The following IFIH1 variants were observed in gnomAD, a reference collection of about 807,000 sequenced individuals.
The protein encoded by IFIH1 is interferon induced with helicase C domain 1, also known as interferon-induced helicase C domain-containing protein 1.
A neutral mutation model predicts 107.4 loss-of-function variants in IFIH1; 125 were observed. That is an observed-to-expected ratio of 1.16 (90% CI 1.01 to 1.35). IFIH1 has a LOEUF of 1.35. IFIH1 is among the 40% of genes most tolerant of loss of function. The pLI, the probability that IFIH1 is intolerant of heterozygous loss-of-function variation, is 0.00. For synonymous variants in IFIH1, 458 were observed against 413.2 expected, an observed-to-expected ratio of 1.11 and a Z score of -1.31; for missense variants, 1,333 against 1,213.7, an observed-to-expected ratio of 1.10 and a Z score of -1.46.
intron 4 of IFIH1, among the ~76,000 whole-genome samples, chr2:162,290,821 A>C (rs1682984031): frequency 6.6e-6 from 1 of 151,882 alleles, no homozygotes; most frequent in African/African-American, 2.4e-5. Flanking sequence ...AAAGAATAAA[A>C]GCTGGGTGAG....
chr2:162,267,462 C>T lies in IFIH1; in HGVS notation c.2898+17G>A, dbSNP rs145381408. Reference sequence around the variant, plus strand: ...CTGTTGGCTAAAGTAAAATCTGGCCCACAGCAATTTACTCACCTGGCCACA... The same window carrying T: ...CTGTTGGCTAAAGTAAAATCTGGCCTACAGCAATTTACTCACCTGGCCACA... On this transcript the variant is annotated intron_variant, in intron 15 of 15. Transcript: ENST00000649979. The T allele has an allele frequency of 1.1e-4, 175 of 1,611,426 alleles. 1 individual carries two copies. In the African/African-American group the frequency reaches 2.1e-3, roughly 20 times the overall value.
intron 3 of IFIH1, among the ~76,000 whole-genome samples, chr2:162,305,458 T>C (rs1576236839): frequency 6.6e-6 from 1 of 151,940 alleles, no homozygotes; most frequent in East Asian, 1.9e-4. Context: ...TAATCCCAGC[T>C]ACTTGGGAGG....
chr2:162,311,310 A>G (rs1033695691), intron 1 of IFIH1, among the ~76,000 whole-genome samples: 1 of 152,102 alleles, frequency 6.6e-6, no homozygotes, highest in Non-Finnish European at 1.5e-5. Flanking sequence ...TATTTTCACC[A>G]ATTTCTTTCT....
intron 1 of IFIH1, among the ~76,000 whole-genome samples, chr2:162,315,114 A>G (rs1683465173): frequency 6.6e-6 from 1 of 152,238 alleles, no homozygotes; most frequent in South Asian, 2.1e-4. Flanking sequence ...AAGAATGAAA[A>G]TACAAGACCA....
rs140321019 is a variant in IFIH1 at position 162,286,186 on chromosome 2, C to T, written c.1095+1949G>A. Among the ~76,000 whole-genome samples, 1,431 of 152,020 alleles carry T rather than the reference C, an allele frequency of 9.4e-3. 30 individuals carry two copies. The highest frequency in any genetic ancestry group is 0.033 in the African/African-American group (1,351 of 41,504). On this transcript the variant is annotated intron_variant, in intron 5 of 15. Coordinates refer to ENST00000649979, the MANE Select transcript of IFIH1 (RefSeq NM_022168.4). Reference sequence around the variant, plus strand: ...GGAAAACAGTTAAAGGAACTGTGGACATTTATTCCAAGGAACAACAAAAAA... The same window carrying T: ...GGAAAACAGTTAAAGGAACTGTGGATATTTATTCCAAGGAACAACAAAAAA...
rs1057522887 is a variant in IFIH1 at position 162,288,198 on chromosome 2, C to T, written c.1032G>A (p.Lys344=). 2 of 1,612,648 alleles carry T rather than the reference C, an allele frequency of 1.2e-6. No individual in the cohort carries two copies. The highest frequency in any genetic ancestry group is 2.2e-5 in the East Asian group (1 of 44,816). The change falls in exon 5 of 16, where the codon AAG becomes AAA. Residue 344 remains lysine (K), a synonymous_variant. Transcript: ENST00000649979. The part of the protein sequence containing the change: ...GKTRVAVYIA[K]DHLDKKKKAS... ...CTTTTTTCTTCTTGTCTAAGTGATC[C>T]TTGGCAATGTAAACAGCCACTCTGG... is the stretch of plus-strand genomic sequence containing the variant.
At chr2:162,287,057 C>G (rs1161327168) in intron 5 of IFIH1, among the ~76,000 whole-genome samples, 1 of 151,704 alleles carries the variant, frequency 6.6e-6, no homozygotes, top group Non-Finnish European at 1.5e-5. Context: ...TATCGGCAAA[C>G]AAATTTGAAT....
chr2:162,277,827 A>G, intron 9 of IFIH1, 134 bp from the exon 10 acceptor site: 1 of 1,072,978 alleles, frequency 9.3e-7, no homozygotes, highest in Non-Finnish European at 1.3e-6. Flanking sequence ...GTTAAGGCTC[A>G]AAATGTGTCC....
chr2:162,284,849 T>A (rs1264168833), intron 5 of IFIH1, among the ~76,000 whole-genome samples: 1 of 152,032 alleles, frequency 6.6e-6, no homozygotes, highest in Non-Finnish European at 1.5e-5. Flanking sequence ...ACACTCATGC[T>A]GAATGATTTA....
intron 3 of IFIH1, among the ~76,000 whole-genome samples, chr2:162,296,462 C>G (rs528176351): frequency 6.6e-6 from 1 of 152,052 alleles, no homozygotes; most frequent in African/African-American, 2.4e-5. Context: ...GAAACCAAGG[C>G]GCTGAGAGGT....
chr2:162,279,628 T>G (rs1682770394), intron 8 of IFIH1, among the ~76,000 whole-genome samples: 1 of 152,066 alleles, frequency 6.6e-6, no homozygotes, highest in Non-Finnish European at 1.5e-5. Context: ...ACAAAATGGC[T>G]CTGTGGAATG....
intron 4 of IFIH1, among the ~76,000 whole-genome samples, chr2:162,289,018 T>C (rs2105210054): frequency 6.6e-6 from 1 of 151,610 alleles, no homozygotes; most frequent in South Asian, 2.1e-4. Flanking sequence ...TACAGAAGTG[T>C]TATTTAGAGA....
chr2:162,267,964 G>A, intron 14 of IFIH1, 123 bp downstream of exon 14: 1 of 633,070 alleles, frequency 1.6e-6, no homozygotes, highest in South Asian at 2.7e-5. Flanking sequence ...ATAATTGAGA[G>A]GCTAAAGGAG....
chr2:162,273,311 C>T (rs10201443), intron 12 of IFIH1, among the ~76,000 whole-genome samples: 7,526 of 152,050 alleles, frequency 0.049, 670 homozygotes, highest in African/African-American at 0.17. Context: ...ATAAGTCTGC[C>T]CCCAACCAAC....
chr2:162,273,498 G>C (rs1023626037), intron 12 of IFIH1, among the ~76,000 whole-genome samples: 1 of 152,138 alleles, frequency 6.6e-6, no homozygotes, highest in Non-Finnish European at 1.5e-5. Flanking sequence ...GAAAGAGGAG[G>C]CTGCTTTTGA....
chr2:162,278,932 G>A (rs1169645795), intron 8 of IFIH1, among the ~76,000 whole-genome samples: 1 of 151,970 alleles, frequency 6.6e-6, no homozygotes, highest in Non-Finnish European at 1.5e-5. Flanking sequence ...TCTTGATTTG[G>A]ATTTTGTTTA....
chr2:162,318,467 C>G lies in IFIH1; in HGVS notation c.-160G>C, dbSNP rs891876038. On this transcript the variant is annotated 5_prime_UTR_variant, in exon 1 of 16. Coordinates refer to ENST00000649979, the MANE Select transcript of IFIH1 (RefSeq NM_022168.4). ...CGAGGTTGTCCACAGGGCTCTCAGG[C>G]CGGCGCGCGGGGCTGCACTCGCACC... is the stretch of plus-strand genomic sequence containing the variant. The G allele has an allele frequency of 4.7e-6, 3 of 638,336 alleles. No individual in the cohort carries two copies. The highest frequency in any genetic ancestry group is 7.9e-6 in the Non-Finnish European group (3 of 377,912). 39.5% of individuals were successfully genotyped at this position (638,336 alleles called of 1,614,324 possible). A position where few individuals can be genotyped will look rare whatever the true frequency, so the allele number is the denominator to read the frequency against.
chr2:162,268,529 G>A (rs977952902), intron 13 of IFIH1, among the ~76,000 whole-genome samples: 3 of 152,138 alleles, frequency 2.0e-5, no homozygotes, highest in African/African-American at 4.8e-5. Context: ...GTTCTATTGT[G>A]AGAAAGTCCT....
intron 8 of IFIH1, among the ~76,000 whole-genome samples, 190 bp downstream of exon 8, chr2:162,279,806 T>C (rs1306781692): frequency 6.6e-6 from 1 of 151,988 alleles, no homozygotes; most frequent in Non-Finnish European, 1.5e-5. Context: ...ATTAGAAAAC[T>C]AAAAGAGGTC....
Sources: gnomAD v4.1 joint callset for allele counts (sites outside exome capture counted in the v4.1 genomes callset) on GRCh38, gnomAD v4.1.1 for gene constraint, MANE v1.5 for transcripts, NCBI Gene and HGNC (gene_info 2026-07-23, HGNC 2026-07-21) for gene names.